Variants in SFXN4 observed in about 807,000 individuals in gnomAD.
The protein encoded by SFXN4 is sideroflexin 4, also known as sideroflexin-4.
A neutral mutation model predicts 54.6 loss-of-function variants in SFXN4; 48 were observed. The ratio of observed to expected loss-of-function variants is 0.88; its 90% CI spans 0.70 to 1.12. SFXN4 has a LOEUF of 1.12. SFXN4 is among the 50% of genes most tolerant of loss of function. The pLI, the probability that SFXN4 is intolerant of heterozygous loss-of-function variation, is 0.00. For synonymous variants in SFXN4, 130 were observed against 145.5 expected, an observed-to-expected ratio of 0.89 and a Z score of 0.77; for missense variants, 383 against 409.2, an observed-to-expected ratio of 0.94 and a Z score of 0.55.
chr10:119,153,966 T>G (rs1589636536), intron 11 of SFXN4, among the ~76,000 whole-genome samples: 1 of 151,954 alleles, frequency 6.6e-6, no homozygotes, highest in East Asian at 1.9e-4. Flanking sequence ...ACACCTGAGG[T>G]CAGGAGTTTG....
chr10:119,162,398 G>A lies in SFXN4; in HGVS notation c.194C>T (p.Ser65Leu), dbSNP rs1396629578. 9 of 1,613,750 alleles carry A rather than the reference G, an allele frequency of 5.6e-6. No individual in the cohort carries two copies. Among genetic ancestry groups the A allele is most frequent in the South Asian group, 2.2e-5 (2 of 91,064 alleles). Residue 65 changes from serine to leucine, a missense_variant, in exon 3 of 14, where the codon TCG becomes TTG. Physicochemically the swap from Ser to Leu is moderately radical, Grantham distance 145 (BLOSUM62 -2). Coordinates refer to ENST00000355697, the MANE Select transcript of SFXN4 (RefSeq NM_213649.2). The part of the protein sequence containing the change: ...VFISVESIEN[S>L]RQLLCTNEDV... ...TTCATTTGTGCACAATAGTTGCCTC[G>A]AGTTTTCTATACTTTCCTAAAATCA...
Position 119,146,228 on chromosome 10 carries a change from G to T in SFXN4, c.936+8C>A, listed in dbSNP as rs376929555. The T allele has an allele frequency of 1.7e-5, 24 of 1,453,644 alleles. No homozygotes were observed. In the African/African-American group the frequency reaches 3.1e-4, roughly 19 times the overall value. The allele number at this position is 1,453,644 out of a possible 1,614,324, so 90.0% of individuals were successfully genotyped here. A position where few individuals can be genotyped will look rare whatever the true frequency, so the allele number is the denominator to read the frequency against. On this transcript the variant is annotated splice_region_variant and intron_variant, in intron 13 of 13. Transcript: ENST00000355697. ...ACTTTGAGAGAAAAGAGGAATGGGG[G>T]CACTTACCTGTCCAATCTGTGGAAA... is the stretch of plus-strand genomic sequence containing the variant.
Position 119,165,576 on chromosome 10 carries a change from GA to G in SFXN4, c.71del (p.Phe24SerfsTer27). The G allele has an allele frequency of 6.3e-7, 1 of 1,594,044 alleles. No individual in the cohort carries two copies. Among genetic ancestry groups the G allele is most frequent in the Admixed American group, 1.7e-5 (1 of 58,610 alleles). On this transcript the variant is annotated frameshift_variant, in exon 1 of 14. Transcript: ENST00000355697. LOFTEE classifies it high-confidence loss of function. ...LLGRRDAVPA[F>X]IEPNVRFWIT... The stretch of plus-strand genomic sequence containing the variant: ...TCCAGAAGCGCACGTTGGGCTCAAT[GA>G]AGGCGGGGACGGCGTCTCTGCGTCC...
At chr10:119,163,575 T>C (rs569920017) in intron 2 of SFXN4, among the ~76,000 whole-genome samples, 1 of 152,144 alleles carries the variant, frequency 6.6e-6, no homozygotes, top group East Asian at 1.9e-4. Context: ...CTAATGTTTG[T>C]ATTTTTAGTA....
rs1847671949 is a variant in SFXN4, at chr10:119,164,219, G to C, written c.112-23C>G. 2.8e-6 allele frequency: 4 copies of C among 1,440,380 alleles called. No individual in the cohort carries two copies. The South Asian group carries it at 4.9e-5, about 18-fold the overall frequency. The allele number at this position is 1,440,380 out of a possible 1,614,324, so 89.2% of individuals were successfully genotyped here. The stretch of plus-strand genomic sequence containing the variant: ...GGACTTAGGAGGGAGAAAAGCAACA[G>C]AGAGGTTAATGGCAGCAGAAAAATA... On this transcript the variant is annotated intron_variant, in intron 1 of 13. Transcript: ENST00000355697.
Position 119,158,015 on chromosome 10 carries a change from T to A in SFXN4, c.408A>T (p.Leu136Phe). 1 of 1,614,138 alleles carries A rather than the reference T, an allele frequency of 6.2e-7. No homozygotes were observed. The highest frequency in any genetic ancestry group is 1.3e-5 in the African/African-American group (1 of 75,054). Residue 136 changes from leucine to phenylalanine, a missense_variant, in exon 7 of 14, where the codon TTA becomes TTT. Physicochemically the swap from Leu to Phe is conservative, Grantham distance 22. Transcript: ENST00000355697. ...TPLKGIKSVI[L>F]PQVFLCAYMA... Reference sequence around the variant, plus strand: ...AAACAGGAAGAATGGCTACCTGAGGTAAAATCACGGACTTGATCCCTTTCA... The same window carrying A: ...AAACAGGAAGAATGGCTACCTGAGGAAAAATCACGGACTTGATCCCTTTCA...
At chr10:119,162,623 G>A (rs1847601133) in intron 2 of SFXN4, among the ~76,000 whole-genome samples, 1 of 152,046 alleles carries the variant, frequency 6.6e-6, no homozygotes, top group Non-Finnish European at 1.5e-5. Context: ...AGATGCTCCA[G>A]CAGCTGCCCC....
rs377103006 is a variant in SFXN4 at position 119,158,072 on chromosome 10, A to C, written c.361-10T>G. ...TCATTGACAAAAATACCTTTTAAGA[A>C]GACAGTGGAACAGAGTTACAAGTGT... On this transcript the variant is annotated splice_polypyrimidine_tract_variant and intron_variant, in intron 6 of 13. Coordinates refer to ENST00000355697, the MANE Select transcript of SFXN4 (RefSeq NM_213649.2). The C allele has an allele frequency of 4.3e-6, 7 of 1,613,510 alleles. No homozygotes were observed. Among genetic ancestry groups the C allele is most frequent in the Middle Eastern group, 3.3e-4 (2 of 6,062 alleles).
In SFXN4 at chr10:119,153,402, C is replaced by CAAA. The variant is rs34129853; in HGVS notation, c.732+1657_732+1659dup. Among the ~76,000 whole-genome samples, 858 of 98,292 alleles carry CAAA rather than the reference C, an allele frequency of 8.7e-3. 8 individuals are homozygous for CAAA. The highest frequency in any genetic ancestry group is 0.025 in the African/African-American group (591 of 23,260). 64.5% of individuals were successfully genotyped at this position (98,292 alleles called of 152,430 possible). Reference sequence around the variant, plus strand: ...CCAGCGACAGAAGGAGACCCTGTCTCAAAAAAAAAAAAAAGAAAGAAAAGA... The same window carrying CAAA: ...CCAGCGACAGAAGGAGACCCTGTCTCAAAAAAAAAAAAAAAAAGAAAGAAAAGA... On this transcript the variant is annotated intron_variant, in intron 11 of 13. Coordinates refer to ENST00000355697, the MANE Select transcript of SFXN4 (RefSeq NM_213649.2).
Position 119,147,909 on chromosome 10 carries a change from G to A in SFXN4, c.733-49C>T, listed in dbSNP as rs369755305. The A allele has an allele frequency of 1.7e-5, 25 of 1,489,958 alleles. No homozygotes were observed. In the African/African-American group the frequency reaches 2.3e-4, roughly 14 times the overall value. 92.3% of individuals were successfully genotyped at this position (1,489,958 alleles called of 1,614,324 possible). A position where few individuals can be genotyped will look rare whatever the true frequency, so the allele number is the denominator to read the frequency against. On this transcript the variant is annotated intron_variant, in intron 11 of 13. Transcript: ENST00000355697. ...GCTTAGGTTGGGCACGGTGGCTCAC[G>A]CCTGTAATCCCTGCACTTTGGGAGG... is the stretch of plus-strand genomic sequence containing the variant.
intron 9 of SFXN4, 140 bp from the exon 10 acceptor site, chr10:119,156,896 T>A (rs1847299386): frequency 3.2e-6 from 2 of 622,648 alleles, no homozygotes; most frequent in Non-Finnish European, 2.8e-6. Context: ...TTTTTCAAAT[T>A]CCTGCAACGT....
intron 3 of SFXN4, among the ~76,000 whole-genome samples, chr10:119,161,748 C>T (rs972947245): frequency 2.0e-5 from 3 of 152,188 alleles, no homozygotes; most frequent in African/African-American, 4.8e-5. Context: ...TGGCTCAGAG[C>T]AGAGCAGGCT....
chr10:119,157,861 T>A lies in SFXN4; in HGVS notation c.471+10A>T, dbSNP rs200847784. 1.9e-6 allele frequency: 3 copies of A among 1,614,154 alleles called. No homozygotes were observed. The highest frequency in any genetic ancestry group is 4.5e-5 in the East Asian group (2 of 44,888). On this transcript the variant is annotated intron_variant, in intron 8 of 13. Coordinates refer to ENST00000355697, the MANE Select transcript of SFXN4 (RefSeq NM_213649.2). ...AAAACCCCACACTCTCTGGGTCTCA[T>A]AATACTCACGTAACTTCTGTTTCCA...
chr10:119,163,134 T>C (rs561236488), intron 2 of SFXN4, among the ~76,000 whole-genome samples: 4 of 152,084 alleles, frequency 2.6e-5, no homozygotes, highest in Non-Finnish European at 5.9e-5. Flanking sequence ...AATACAAAAA[T>C]TACAAAGAAT....
At chr10:119,157,466 A>G (rs1847319644) in intron 9 of SFXN4, among the ~76,000 whole-genome samples, 2 of 151,970 alleles carry the variant, frequency 1.3e-5, no homozygotes, top group African/African-American at 2.4e-5. Context: ...AAAAAATAAA[A>G]AGACAACAGT....
chr10:119,160,821 A>G, intron 5 of SFXN4, 94 bp downstream of exon 5: 1 of 1,308,638 alleles, frequency 7.6e-7, no homozygotes, highest in Non-Finnish European at 1.1e-6. Flanking sequence ...GCTGGTCTCG[A>G]ACTCCTGACC....
Position 119,147,625 on chromosome 10 carries a change from A to G in SFXN4, c.818+150T>C, listed in dbSNP as rs1357322088. ...ACACCCGGATTTCCACGCCTGCCACAATCAATCCGCCTGTCTTAGCTGTGA... is the reference window on the plus strand; with the variant it reads ...ACACCCGGATTTCCACGCCTGCCACGATCAATCCGCCTGTCTTAGCTGTGA... On this transcript the variant is annotated intron_variant, in intron 12 of 13. Coordinates refer to ENST00000355697, the MANE Select transcript of SFXN4 (RefSeq NM_213649.2). 7.8e-6 allele frequency: 5 copies of G among 638,816 alleles called. No individual in the cohort carries two copies. In the African/African-American group the frequency reaches 9.1e-5, roughly 12 times the overall value. The allele number at this position is 638,816 out of a possible 1,614,324, so 39.6% of individuals were successfully genotyped here.
At chr10:119,153,115 CA>C (rs1847139039) in intron 11 of SFXN4, among the ~76,000 whole-genome samples, 1 of 152,108 alleles carries the variant, frequency 6.6e-6, no homozygotes, top group African/African-American at 2.4e-5. Context: ...TTGAACTGAA[CA>C]AAAGAATACT....
intron 11 of SFXN4, 67 bp downstream of exon 11, chr10:119,154,995 C>G (rs894175098): frequency 2.8e-6 from 3 of 1,076,940 alleles, no homozygotes; most frequent in Non-Finnish European, 4.3e-6. Flanking sequence ...TTGTCACCGG[C>G]TTTCAAACAG....
Sources: gnomAD v4.1 joint callset for allele counts (sites outside exome capture counted in the v4.1 genomes callset) on GRCh38, gnomAD v4.1.1 for gene constraint, MANE v1.5 for transcripts, NCBI Gene and HGNC (gene_info 2026-07-23, HGNC 2026-07-21) for gene names.